Variants in ITGAM observed in about 807,000 individuals in gnomAD.
ITGAM encodes the protein integrin subunit alpha M.
In ITGAM, 79 loss-of-function variants were observed where a neutral mutation model predicts 137.5. The ratio of observed to expected loss-of-function variants is 0.57; its 90% CI spans 0.48 to 0.69. The LOEUF is 0.69. ITGAM is among the 30% of genes least tolerant of loss of function. The probability of loss-of-function intolerance (pLI) is 0.00; values close to 1 mark genes in which losing one functional copy is unlikely to be tolerated. For synonymous variants in ITGAM, 583 were observed against 592.3 expected, an observed-to-expected ratio of 0.98 and a Z score of 0.23; for missense variants, 1,343 against 1,483.5, an observed-to-expected ratio of 0.91 and a Z score of 1.56.
At chr16:31,322,397 G>GT (rs2080459696) in intron 16 of ITGAM, among the ~76,000 whole-genome samples, 1 of 152,208 alleles carries the variant, frequency 6.6e-6, no homozygotes, top group African/African-American at 2.4e-5. Flanking sequence ...ATGTTAGAGA[G>GT]TAGGGAATTG....
At chr16:31,283,001 G>T (rs1353766862) in intron 12 of ITGAM, among the ~76,000 whole-genome samples, 1 of 151,992 alleles carries the variant, frequency 6.6e-6, no homozygotes, top group Non-Finnish European at 1.5e-5. Context: ...TGGATATGAA[G>T]TTCTGGGTTG....
At chr16:31,297,334 T>C (rs1175382533) in intron 12 of ITGAM, among the ~76,000 whole-genome samples, 180 bp from the exon 13 acceptor site, 1 of 152,164 alleles carries the variant, frequency 6.6e-6, no homozygotes, top group Non-Finnish European at 1.5e-5. Context: ...GCCAGGCTTA[T>C]TATATAGGTT....
chr16:31,279,735 T>C (rs2079947649), intron 12 of ITGAM, among the ~76,000 whole-genome samples: 1 of 152,216 alleles, frequency 6.6e-6, no homozygotes, highest in South Asian at 2.1e-4. Flanking sequence ...AGAAGCTCTT[T>C]AGTTTAATTA....
intron 2 of ITGAM, among the ~76,000 whole-genome samples, chr16:31,262,529 AG>A (rs1392950964): frequency 6.7e-6 from 1 of 149,418 alleles, no homozygotes; most frequent in Non-Finnish European, 1.5e-5. Context: ...TAGCCTCCTG[AG>A]TAGCTGGGAC....
At chr16:31,279,779 T>C (rs1226023325) in intron 12 of ITGAM, among the ~76,000 whole-genome samples, 1 of 152,212 alleles carries the variant, frequency 6.6e-6, no homozygotes, top group African/African-American at 2.4e-5. Context: ...TTTGTTGCCA[T>C]TGCTTTTGGT....
intron 14 of ITGAM, among the ~76,000 whole-genome samples, chr16:31,299,783 C>CTCT (rs994084104): frequency 2.9e-5 from 4 of 137,454 alleles, no homozygotes; most frequent in African/African-American, 1.2e-4. Context: ...CCTCCTCCTC[C>CTCT]GCCTCCCCCT....
intron 5 of ITGAM, among the ~76,000 whole-genome samples, chr16:31,267,863 C>G (rs28538299): frequency 6.6e-6 from 1 of 152,134 alleles, no homozygotes; most frequent in Non-Finnish European, 1.5e-5. Context: ...AGGCTGGTCT[C>G]GAATTCCTGG....
intron 5 of ITGAM, 70 bp downstream of exon 5, chr16:31,266,217 C>A: frequency 9.2e-7 from 1 of 1,085,538 alleles, no homozygotes; most frequent in Admixed American, 1.8e-5. Context: ...ACTGAGGTGA[C>A]GTCTGCTCAA....
At chr16:31,330,187 G>C (rs1310293422) in intron 26 of ITGAM, 23 bp downstream of exon 26, 1 of 1,609,576 alleles carries the variant, frequency 6.2e-7, no homozygotes, top group Admixed American at 1.7e-5. Context: ...GTCAGCCCCA[G>C]GGCCACACAG....
At chr16:31,281,108 G>C (rs1341949227) in intron 12 of ITGAM, among the ~76,000 whole-genome samples, 2 of 152,152 alleles carry the variant, frequency 1.3e-5, no homozygotes, top group East Asian at 1.9e-4. Context: ...TGTGCTGCTG[G>C]ATTCAGTTTG....
chr16:31,324,730 G>T lies in ITGAM; in HGVS notation c.2237G>T (p.Gly746Val). The change falls in exon 18 of 30, where the codon GGG becomes GTG. Residue 746 changes from glycine to valine, a missense_variant. By Grantham distance (109) the Gly-to-Val change is moderately radical (BLOSUM62 -3). Coordinates refer to ENST00000544665, the MANE Select transcript of ITGAM (RefSeq NM_000632.4). This position sits in a 1 kb window ranked among gnomAD's most constrained non-coding sequence, Gnocchi z 4.5. ...SLVGTPLSAF[G>V]NLRPVLAEDA... ...GTGGGAACGCCATTGTCTGCTTTCG[G>T]GAACCTCCGGCCAGTGCTGGCGGAG... 6.3e-7 allele frequency: 1 copy of T among 1,597,476 alleles called. No homozygotes were observed.
At chr16:31,301,490 C>T (rs957848647) in intron 14 of ITGAM, among the ~76,000 whole-genome samples, 2 of 152,012 alleles carry the variant, frequency 1.3e-5, no homozygotes, top group African/African-American at 4.8e-5. Context: ...ATATATAATC[C>T]TGCATTTTAT....
At chr16:31,267,962 T>C (rs2079788594) in intron 5 of ITGAM, among the ~76,000 whole-genome samples, 1 of 152,138 alleles carries the variant, frequency 6.6e-6, no homozygotes, top group South Asian at 2.1e-4. Context: ...CTTGAATCAC[T>C]TGTTTTCTCT....
intron 3 of ITGAM, 50 bp downstream of exon 3, chr16:31,265,548 T>C (rs1192610857): frequency 3.2e-6 from 4 of 1,256,132 alleles, no homozygotes; most frequent in East Asian, 2.5e-5. Flanking sequence ...TGTGAACACA[T>C]AGGGACTTTC....
intron 12 of ITGAM, among the ~76,000 whole-genome samples, chr16:31,283,286 T>C (rs1408641959): frequency 6.6e-6 from 1 of 152,238 alleles, no homozygotes; most frequent in Non-Finnish European, 1.5e-5. Context: ...ATTGGGGAAG[T>C]TCTCCTGGAT....
chr16:31,266,641 T>C (rs1156321972), intron 5 of ITGAM, among the ~76,000 whole-genome samples: 1 of 151,800 alleles, frequency 6.6e-6, no homozygotes, highest in Non-Finnish European at 1.5e-5. Flanking sequence ...GCCTGGGAAG[T>C]TGAAGCTGCA....
intron 12 of ITGAM, among the ~76,000 whole-genome samples, chr16:31,278,882 T>A (rs572908468): frequency 6.3e-4 from 96 of 152,258 alleles, no homozygotes; most frequent in African/African-American, 2.1e-3. Context: ...TGCTATCCCT[T>A]CCCTCTCCCT....
chr16:31,272,079 G>C, intron 7 of ITGAM, 87 bp downstream of exon 7: 1 of 1,511,362 alleles, frequency 6.6e-7, no homozygotes, highest in Non-Finnish European at 9.1e-7. Flanking sequence ...GTTCAGACAG[G>C]GGTGGTAGAG....
chr16:31,302,946 TTCTTTC>T (rs2144405035), intron 14 of ITGAM, among the ~76,000 whole-genome samples: 1 of 117,634 alleles, frequency 8.5e-6, no homozygotes, highest in African/African-American at 3.2e-5. Context: ...CTTTCTTTCT[TTCTTTC>T]TTTCTTTCTT....
Sources: gnomAD v4.1 joint callset for allele counts (sites outside exome capture counted in the v4.1 genomes callset) on GRCh38, gnomAD v4.1.1 for gene constraint, Gnocchi (gnomAD v3.1) non-coding constraint, MANE v1.5 for transcripts, NCBI Gene and HGNC (gene_info 2026-07-23, HGNC 2026-07-21) for gene names.